Variants in CREBZF observed in about 807,000 individuals in gnomAD.
The protein encoded by CREBZF is CREB/ATF bZIP transcription factor.
A neutral mutation model predicts 21.1 loss-of-function variants in CREBZF; 8 were observed. The ratio of observed to expected loss-of-function variants is 0.38; its 90% confidence interval spans 0.22 to 0.68. The LOEUF (loss-of-function observed/expected upper bound fraction) is 0.68. Among genes scored for constraint, CREBZF ranks in the 30% least tolerant of loss-of-function variants. The pLI is 0.51. For synonymous variants in CREBZF, 270 were observed against 223.3 expected (o/e 1.21, Z -1.86); for missense variants, 518 against 484.3 (o/e 1.07, Z -0.65).
chr11:85,663,984 C>G lies in CREBZF; in HGVS notation c.892G>C (p.Asp298His), dbSNP rs1420463945. ...TAGTCGTGGTCACCGGCGGGCGAGT[C>G]TCTGAAGAGCGAGGTGGTCAGCCGC... is the stretch of plus-strand genomic sequence containing the variant. The part of the protein sequence containing the change: ...GLRLTTSLFR[D>H]SPAGDHDYAL... The change falls in exon 1 of 1, where the codon GAC becomes CAC. Residue 298 changes from aspartate (D) to histidine (H), a missense_variant. Asp to His is a moderately conservative substitution (Grantham distance 81). Transcript: ENST00000527447. The G allele has an allele frequency of 6.2e-7, 1 of 1,613,010 alleles. No individual in the cohort carries two copies. Among genetic ancestry groups the G allele is most frequent in the African/African-American group, 1.3e-5 (1 of 74,916 alleles).
chr11:85,676,207 A>G (rs2082941272), intron 1 of CREBZF, among the ~76,000 whole-genome samples: 1 of 152,238 alleles, frequency 6.6e-6, no homozygotes, highest in African/African-American at 2.4e-5. Flanking sequence ...GAGCAGGCAT[A>G]GAAGTTTGAG....
chr11:85,682,431 C>T (rs1182908641), intron 1 of CREBZF, among the ~76,000 whole-genome samples: 2 of 152,112 alleles, frequency 1.3e-5, no homozygotes, highest in Non-Finnish European at 2.9e-5. Flanking sequence ...TAGGGTGAAC[C>T]TTATAAAATG....
rs574531766 is a variant in CREBZF, at chr11:85,665,108, G to C, written c.-233C>G. On this transcript the variant is annotated 5_prime_UTR_variant, in exon 1 of 1. Transcript: ENST00000527447. ...TGCGATGACTCGACCGCGCCACCCA[G>C]ACAACGGCGTAGCCGGAAGTCAGTG... The C allele has an allele frequency of 1.5e-3, 609 of 418,910 alleles. 1 individual carries two copies. Among genetic ancestry groups the C allele is most frequent in the Non-Finnish European group, 2.0e-3 (451 of 230,500 alleles). 25.9% of individuals were successfully genotyped at this position (418,910 alleles called of 1,614,324 possible).
chr11:85,682,581 C>T (rs2082983349), intron 1 of CREBZF: 1 of 536,688 alleles, frequency 1.9e-6, no homozygotes. Flanking sequence ...TTTTAGGGGA[C>T]ACGCGCCCCT....
chr11:85,667,407 T>A (rs1362576788), upstream of CREBZF, among the ~76,000 whole-genome samples: 8 of 152,252 alleles, frequency 5.3e-5, no homozygotes, highest in Admixed American at 1.3e-4. Flanking sequence ...GAAGGTTGAA[T>A]GTTTGTCACA....
At position 85,664,345 on chromosome 11, in the gene CREBZF, A is replaced by G; in HGVS notation, c.531T>C (p.Ser177=). ...LNGIGGCSSS[S]DSGSAEKRRR... ...GCCTCTTTTCGGCGCTGCCACTGTC[A>G]CTGCTGCTGCTGCAGCCTCCGATAC... The change falls in exon 1 of 1, where the codon AGT becomes AGC. Residue 177 remains serine (S), a synonymous_variant. Coordinates refer to ENST00000527447, the MANE Select transcript of CREBZF (RefSeq NM_001039618.4). The surrounding 1 kb of genome is among the most constrained non-coding windows in gnomAD (Gnocchi z 5.5). 2 of 1,612,622 alleles carry G rather than the reference A, an allele frequency of 1.2e-6. No individual in the cohort carries two copies. The highest frequency in any genetic ancestry group is 1.7e-6 in the Non-Finnish European group (2 of 1,179,688).
At chr11:85,678,708 T>C (rs1391360114) in intron 1 of CREBZF, among the ~76,000 whole-genome samples, 1 of 152,254 alleles carries the variant, frequency 6.6e-6, no homozygotes, top group Non-Finnish European at 1.5e-5. Flanking sequence ...GTTATACCAA[T>C]TTGAAATTCA....
At position 85,665,073 on chromosome 11, in the gene CREBZF, G is replaced by A. The variant is rs1053870277; in HGVS notation, c.-198C>T. The A allele has an allele frequency of 9.1e-6, 4 of 438,292 alleles. No individual in the cohort carries two copies. In the East Asian group the frequency reaches 1.1e-4, roughly 12 times the overall value. 27.2% of individuals were successfully genotyped at this position (438,292 alleles called of 1,614,324 possible). A position where few individuals can be genotyped will look rare whatever the true frequency, so the allele number is the denominator to read the frequency against. The stretch of plus-strand genomic sequence containing the variant: ...GCGGGGAGGGACGGGAGAACGAAGC[G>A]GTGAGGCCCTGCGATGACTCGACCG... On this transcript the variant is annotated 5_prime_UTR_variant, in exon 1 of 1. Transcript: ENST00000527447.
At chr11:85,666,459 T>C (rs1351509609), upstream of CREBZF, among the ~76,000 whole-genome samples, 1 of 152,252 alleles carries the variant, frequency 6.6e-6, no homozygotes, top group African/African-American at 2.4e-5. Flanking sequence ...TAAAAATTGT[T>C]TCCTGACAGC....
In CREBZF at chr11:85,665,068, G is replaced by T. The variant is rs573635474; in HGVS notation, c.-193C>A. 9 of 439,996 alleles carry T rather than the reference G, an allele frequency of 2.0e-5. No individual in the cohort carries two copies. In the East Asian group the frequency reaches 2.5e-4, roughly 12 times the overall value. 27.3% of individuals were successfully genotyped at this position (439,996 alleles called of 1,614,324 possible). On this transcript the variant is annotated 5_prime_UTR_variant, in exon 1 of 1. Coordinates refer to ENST00000527447, the MANE Select transcript of CREBZF (RefSeq NM_001039618.4). The stretch of plus-strand genomic sequence containing the variant: ...AAGGCGCGGGGAGGGACGGGAGAAC[G>T]AAGCGGTGAGGCCCTGCGATGACTC...
At chr11:85,666,052 AT>A (rs1032665298), upstream of CREBZF, among the ~76,000 whole-genome samples, 2 of 151,266 alleles carry the variant, frequency 1.3e-5, no homozygotes, top group African/African-American at 2.4e-5. Flanking sequence ...AACCATCCTC[AT>A]TTTTTTTTCC....
At chr11:85,676,952 AT>A (rs905936505) in intron 1 of CREBZF, among the ~76,000 whole-genome samples, 1 of 116,684 alleles carries the variant, frequency 8.6e-6, no homozygotes, top group Non-Finnish European at 1.7e-5. Flanking sequence ...CTGTAAAGTA[AT>A]TTTTTTCTTT....
intron 1 of CREBZF, among the ~76,000 whole-genome samples, chr11:85,677,296 T>C (rs1307991885): frequency 6.6e-6 from 1 of 152,186 alleles, no homozygotes; most frequent in African/African-American, 2.4e-5. Flanking sequence ...CACAATGCCA[T>C]GATTACAACT....
upstream of CREBZF, among the ~76,000 whole-genome samples, chr11:85,666,070 A>C (rs2082857335): frequency 6.6e-6 from 1 of 151,594 alleles, no homozygotes. Context: ...TTCCTTTAAA[A>C]CTCTTTGTCT....
chr11:85,667,209 C>T (rs1338487808), upstream of CREBZF, among the ~76,000 whole-genome samples: 8 of 144,384 alleles, frequency 5.5e-5, no homozygotes, highest in Non-Finnish European at 9.2e-5. Context: ...CCCCCGCCGC[C>T]AACCCCCACC....
rs2082714189 is a variant in CREBZF, at chr11:85,662,526, G to T, written c.*1285C>A. On this transcript the variant is annotated 3_prime_UTR_variant, in exon 1 of 1. Coordinates refer to ENST00000527447, the MANE Select transcript of CREBZF (RefSeq NM_001039618.4). ...TTATCAAGCAGTGATGTTTCACAAA[G>T]AATTTCTTAATGCCTCTTACACTGA... The T allele has an allele frequency of 1.5e-6, 1 of 683,092 alleles. No individual in the cohort carries two copies. The allele number at this position is 683,092 out of a possible 1,614,324, so 42.3% of individuals were successfully genotyped here.
At position 85,658,301 on chromosome 11, in the gene CREBZF, A is replaced by G. The variant is rs2082574507; in HGVS notation, c.*5510T>C. On this transcript the variant is annotated 3_prime_UTR_variant, in exon 1 of 1. Coordinates refer to ENST00000527447, the MANE Select transcript of CREBZF (RefSeq NM_001039618.4). The stretch of plus-strand genomic sequence containing the variant: ...CTTATCTTTAAACATTCCTAGTCCA[A>G]TTACTCCCTAGCATAATACCATTTA... Among the ~76,000 whole-genome samples the G allele has an allele frequency of 6.6e-6, 1 of 152,018 alleles. No individual in the cohort carries two copies. The highest frequency in any genetic ancestry group is 2.1e-4 in the South Asian group (1 of 4,836).
At chr11:85,669,401 TACACACAC>T (rs61173351), upstream of CREBZF, among the ~76,000 whole-genome samples, 25,947 of 148,792 alleles carry the variant, frequency 0.17, 2,401 homozygotes, top group South Asian at 0.28. Context: ...TCAGTCATTC[TACACACAC>T]ACACACACAC....
upstream of CREBZF, among the ~76,000 whole-genome samples, chr11:85,668,815 A>C (rs1363016952): frequency 1.3e-5 from 2 of 151,184 alleles, no homozygotes; most frequent in Non-Finnish European, 3.0e-5. Context: ...ATCCTGGCTA[A>C]CACGGTGAAA....
Sources: allele counts gnomAD v4.1 joint callset (sites outside exome capture counted in the v4.1 genomes callset), GRCh38; gene constraint gnomAD v4.1.1; non-coding constraint Gnocchi (gnomAD v3.1); transcripts MANE v1.5; gene names NCBI Gene and HGNC (gene_info 2026-07-23, HGNC 2026-07-21).